STIM2: variants seen among roughly 807,000 people sequenced by gnomAD.
The protein encoded by STIM2 is stromal interaction molecule 2.
A neutral mutation model predicts 85.8 loss-of-function variants in STIM2; 31 were observed. The ratio of observed to expected loss-of-function variants is 0.36; its 90% CI spans 0.27 to 0.49. The LOEUF is 0.49. Ranked by LOEUF, STIM2 falls within the 20% of genes least tolerant of loss-of-function variation. The pLI is 0.98. For synonymous variants in STIM2, 356 were observed against 331.1 expected (o/e 1.08, Z -0.82); for missense variants, 841 against 927.6 (o/e 0.91, Z 1.21).
At chr4:26,968,838 T>C (rs923346802) in intron 3 of STIM2, among the ~76,000 whole-genome samples, 1 of 152,144 alleles carries the variant, frequency 6.6e-6, no homozygotes, top group Non-Finnish European at 1.5e-5. Flanking sequence ...AAGGTTTTCT[T>C]AAGAACTGGT....
At chr4:26,927,702 A>C (rs1438510891) in intron 2 of STIM2, among the ~76,000 whole-genome samples, 4 of 129,186 alleles carry the variant, frequency 3.1e-5, no homozygotes, top group African/African-American at 1.0e-4. Context: ...AAAAAAAAAA[A>C]AAAAACTTGA....
intron 1 of STIM2, among the ~76,000 whole-genome samples, chr4:26,869,299 CAAAAA>C (rs71186495): frequency 2.3e-5 from 2 of 85,876 alleles, no homozygotes. Context: ...ACCCTGTCTC[CAAAAA>C]AAAAAAAAAA....
At chr4:26,960,260 G>A (rs542255846) in intron 3 of STIM2, among the ~76,000 whole-genome samples, 4 of 152,240 alleles carry the variant, frequency 2.6e-5, no homozygotes, top group Admixed American at 1.3e-4. Context: ...AGATTAGAAT[G>A]TACCCCTAAC....
intron 3 of STIM2, among the ~76,000 whole-genome samples, chr4:26,970,705 G>A (rs112589355): frequency 1.4e-4 from 22 of 151,956 alleles, no homozygotes; most frequent in African/African-American, 4.8e-4. Flanking sequence ...CAATAAACAC[G>A]TGTGCATGTG....
intron 3 of STIM2, among the ~76,000 whole-genome samples, chr4:26,970,303 T>A (rs1384972433): frequency 6.6e-6 from 1 of 150,890 alleles, no homozygotes; most frequent in Non-Finnish European, 1.5e-5. Context: ...AACGTGCAGT[T>A]TTGATACCTA....
chr4:26,983,254 C>T (rs1027178995), intron 3 of STIM2, among the ~76,000 whole-genome samples: 3 of 152,188 alleles, frequency 2.0e-5, no homozygotes. Flanking sequence ...TTTTGCCTTT[C>T]TCATATGATT....
At chr4:26,965,777 A>C (rs1392787638) in intron 3 of STIM2, among the ~76,000 whole-genome samples, 1 of 152,220 alleles carries the variant, frequency 6.6e-6, no homozygotes, top group East Asian at 1.9e-4. Flanking sequence ...CTTTGAGACA[A>C]TCCTGCCTTC....
intron 1 of STIM2, among the ~76,000 whole-genome samples, chr4:26,865,136 T>C (rs188633785): frequency 7.2e-5 from 11 of 152,338 alleles, no homozygotes; most frequent in African/African-American, 2.6e-4. Context: ...TCTCTTTCTC[T>C]TTCCCCTTTA....
rs760026699 is a variant in STIM2, at chr4:26,861,186, G to T, written c.-33G>T. 2.8e-6 allele frequency: 4 copies of T among 1,443,046 alleles called. No individual in the cohort carries two copies. Among genetic ancestry groups the T allele is most frequent in the Admixed American group, 2.3e-5 (1 of 44,082 alleles). The allele number at this position is 1,443,046 out of a possible 1,614,324, so 89.4% of individuals were successfully genotyped here. ...CGCCTCGACTCCTGGCCCAGCGTGG[G>T]GCTGGCTGCTGCGGCGGCGGCGCTG... On this transcript the variant is annotated 5_prime_UTR_variant, in exon 1 of 12. Coordinates refer to ENST00000467087, the MANE Select transcript of STIM2 (RefSeq NM_020860.4).
chr4:26,981,410 A>G (rs143669308), intron 3 of STIM2, among the ~76,000 whole-genome samples: 78 of 152,368 alleles, frequency 5.1e-4, no homozygotes, highest in African/African-American at 1.8e-3. Flanking sequence ...CGCAATTAGT[A>G]GAATTCTCTA....
intron 2 of STIM2, among the ~76,000 whole-genome samples, chr4:26,940,437 T>C (rs975200029): frequency 2.0e-5 from 3 of 152,128 alleles, no homozygotes; most frequent in African/African-American, 7.2e-5. Flanking sequence ...TAAGTGCTAA[T>C]GAAATACATT....
intron 1 of STIM2, among the ~76,000 whole-genome samples, chr4:26,889,502 T>C (rs1208850004): frequency 6.6e-6 from 1 of 152,210 alleles, no homozygotes. Flanking sequence ...GAGAAATCCA[T>C]ATCTAGAGTA....
chr4:26,953,161 G>A (rs1484570776), intron 2 of STIM2, among the ~76,000 whole-genome samples: 1 of 152,024 alleles, frequency 6.6e-6, no homozygotes, highest in African/African-American at 2.4e-5. Flanking sequence ...CTCCATCCCT[G>A]TTATGTATTT....
At chr4:26,868,020 A>C (rs1722468614) in intron 1 of STIM2, among the ~76,000 whole-genome samples, 1 of 152,266 alleles carries the variant, frequency 6.6e-6, no homozygotes, top group Non-Finnish European at 1.5e-5. Flanking sequence ...GCTATAGCAC[A>C]AGCATCATGG....
chr4:26,890,935 G>A (rs1286743482), intron 1 of STIM2, among the ~76,000 whole-genome samples: 1 of 152,128 alleles, frequency 6.6e-6, no homozygotes, highest in East Asian at 1.9e-4. Flanking sequence ...TGTCAGTAGA[G>A]GCTTCACACA....
chr4:26,866,494 A>C (rs1577403215), intron 1 of STIM2, among the ~76,000 whole-genome samples: 1 of 152,294 alleles, frequency 6.6e-6, no homozygotes, highest in East Asian at 1.9e-4. Context: ...CTGGACCTTG[A>C]TGTATAGGTA....
At chr4:26,900,406 A>G (rs1723875341) in intron 1 of STIM2, among the ~76,000 whole-genome samples, 1 of 152,180 alleles carries the variant, frequency 6.6e-6, no homozygotes, top group African/African-American at 2.4e-5. Context: ...TTAGTTTCTT[A>G]AGTTACTAAT....
chr4:26,872,306 T>TA (rs575514722), intron 1 of STIM2, among the ~76,000 whole-genome samples: 2 of 151,532 alleles, frequency 1.3e-5, no homozygotes, highest in Non-Finnish European at 1.5e-5. Flanking sequence ...AGTGTGATAT[T>TA]AAAAAAAAAT....
chr4:26,865,520 G>A (rs911954450), intron 1 of STIM2, among the ~76,000 whole-genome samples: 8 of 152,250 alleles, frequency 5.3e-5, no homozygotes, highest in Middle Eastern at 3.4e-3. Context: ...CTCTTTTTGC[G>A]TAATGATATC....
Sources: gnomAD v4.1 joint callset for allele counts (sites outside exome capture counted in the v4.1 genomes callset) on GRCh38, gnomAD v4.1.1 for gene constraint, MANE v1.5 for transcripts, NCBI Gene and HGNC (gene_info 2026-07-23, HGNC 2026-07-21) for gene names.